INPP4B: variants seen among roughly 807,000 people sequenced by gnomAD.
INPP4B encodes inositol polyphosphate 4-phosphatase type II.
A neutral mutation model predicts 122.5 loss-of-function variants in INPP4B; 55 were observed. The ratio of observed to expected loss-of-function variants is 0.45; its 90% CI spans 0.36 to 0.56. The LOEUF is 0.56. Ranked by LOEUF, INPP4B falls within the 20% of genes least tolerant of loss-of-function variation. The probability of loss-of-function intolerance (pLI) is 0.00; values close to 1 mark genes in which losing one functional copy is unlikely to be tolerated. For synonymous variants in INPP4B, 403 were observed against 388.7 expected, an observed-to-expected ratio of 1.04 and a Z score of -0.43; for missense variants, 1,000 against 1,097.7, an observed-to-expected ratio of 0.91 and a Z score of 1.26.
chr4:142,060,109 G>T (rs1309377558), intron 25 of INPP4B, among the ~76,000 whole-genome samples: 2 of 152,028 alleles, frequency 1.3e-5, no homozygotes, highest in Non-Finnish European at 2.9e-5. Context: ...TTCAATGCAG[G>T]AATCTCACCC....
At chr4:142,733,020 A>G (rs538100241) in intron 1 of INPP4B, among the ~76,000 whole-genome samples, 5 of 152,314 alleles carry the variant, frequency 3.3e-5, no homozygotes, top group South Asian at 2.1e-4. Flanking sequence ...AAGTTATAAC[A>G]ACAAATTACA....
chr4:142,113,812 T>A (rs1325812126), intron 21 of INPP4B, among the ~76,000 whole-genome samples: 1 of 152,044 alleles, frequency 6.6e-6, no homozygotes, highest in Non-Finnish European at 1.5e-5. Flanking sequence ...TTACCAGCTT[T>A]ATTAAGAAAT....
chr4:142,648,355 C>A (rs767063508), intron 2 of INPP4B, among the ~76,000 whole-genome samples: 1 of 152,178 alleles, frequency 6.6e-6, no homozygotes, highest in African/African-American at 2.4e-5. Context: ...TGAGCCAAAG[C>A]AGGGTGGGGT....
intron 23 of INPP4B, among the ~76,000 whole-genome samples, chr4:142,093,729 C>G (rs1780594673): frequency 6.6e-6 from 1 of 151,956 alleles, no homozygotes; most frequent in Non-Finnish European, 1.5e-5. Context: ...CCACCAAAAC[C>G]AGCTTTATTT....
chr4:142,802,366 T>A (rs1561085327), intron 1 of INPP4B, among the ~76,000 whole-genome samples: 1 of 152,166 alleles, frequency 6.6e-6, no homozygotes, highest in Admixed American at 6.5e-5. Context: ...ACAATTTACC[T>A]TTTTTTCCTG....
At chr4:142,685,232 G>GAGAC (rs1307554191) in intron 2 of INPP4B, among the ~76,000 whole-genome samples, 3 of 151,960 alleles carry the variant, frequency 2.0e-5, no homozygotes, top group African/African-American at 7.2e-5. Flanking sequence ...ATACTTGCCT[G>GAGAC]AGACAGGCAA....
chr4:142,487,368 A>T (rs1389397126), intron 2 of INPP4B, among the ~76,000 whole-genome samples: 1 of 152,170 alleles, frequency 6.6e-6, no homozygotes, highest in Admixed American at 6.6e-5. Context: ...GCATTATAGT[A>T]AAATTTGAAA....
intron 10 of INPP4B, among the ~76,000 whole-genome samples, chr4:142,269,571 T>G (rs919428981): frequency 6.6e-6 from 1 of 151,912 alleles, no homozygotes; most frequent in Non-Finnish European, 1.5e-5. Context: ...GGAGGGAAAG[T>G]TTAGGGAAAT....
chr4:142,155,569 T>C (rs933116686), intron 17 of INPP4B, among the ~76,000 whole-genome samples: 8 of 152,110 alleles, frequency 5.3e-5, no homozygotes, highest in African/African-American at 1.9e-4. Context: ...TAGTGTTCCA[T>C]TATTGGAATG....
intron 1 of INPP4B, among the ~76,000 whole-genome samples, chr4:142,824,981 A>C (rs1429974453): frequency 6.6e-6 from 1 of 152,070 alleles, no homozygotes; most frequent in Non-Finnish European, 1.5e-5. Context: ...AAACTAGGAA[A>C]TATACTGGAG....
chr4:142,089,811 A>T (rs1778642160), intron 23 of INPP4B, among the ~76,000 whole-genome samples: 1 of 152,180 alleles, frequency 6.6e-6, no homozygotes, highest in Admixed American at 6.5e-5. Flanking sequence ...TTTATTTAAC[A>T]TTTCCTAGGA....
rs1314392634 is a variant in INPP4B at position 142,146,005 on chromosome 4, A to T, written c.1564-9T>A. 6.2e-7 allele frequency: 1 copy of T among 1,609,154 alleles called. No homozygotes were observed. The highest frequency in any genetic ancestry group is 8.5e-7 in the Non-Finnish European group (1 of 1,177,174). Reference sequence around the variant, plus strand: ...TTGGCCCACACCCTGTCCTGAAAAAAGCATGAGTATCACTACATATTTTTG... The same window carrying T: ...TTGGCCCACACCCTGTCCTGAAAAATGCATGAGTATCACTACATATTTTTG... On this transcript the variant is annotated splice_polypyrimidine_tract_variant and intron_variant, in intron 17 of 25. Coordinates refer to ENST00000262992, the MANE Select transcript of INPP4B (RefSeq NM_001101669.3).
At chr4:142,090,688 T>C (rs1367958386) in intron 23 of INPP4B, among the ~76,000 whole-genome samples, 1 of 147,244 alleles carries the variant, frequency 6.8e-6, no homozygotes, top group Non-Finnish European at 1.5e-5. Context: ...TCTCTATGCA[T>C]ATCTCCATAA....
intron 7 of INPP4B, among the ~76,000 whole-genome samples, chr4:142,364,507 G>A: frequency 6.6e-6 from 1 of 151,996 alleles, no homozygotes; most frequent in Non-Finnish European, 1.5e-5. Context: ...CATTTGTGCA[G>A]GGTATTTTTT....
At chr4:142,741,093 CA>C (rs1767831391) in intron 1 of INPP4B, among the ~76,000 whole-genome samples, 1 of 151,976 alleles carries the variant, frequency 6.6e-6, no homozygotes, top group South Asian at 2.1e-4. Flanking sequence ...AAAATAAAAT[CA>C]GTGTGTTAAA....
intron 2 of INPP4B, among the ~76,000 whole-genome samples, chr4:142,714,303 G>A (rs1580758441): frequency 6.6e-6 from 1 of 152,298 alleles, no homozygotes; most frequent in South Asian, 2.1e-4. Flanking sequence ...CACTGTCATT[G>A]TACCAGGCAT....
At chr4:142,297,565 G>A (rs750068725) in intron 9 of INPP4B, among the ~76,000 whole-genome samples, 15 of 152,140 alleles carry the variant, frequency 9.9e-5, no homozygotes, top group Non-Finnish European at 1.9e-4. Context: ...CGCCATGTGA[G>A]ACCACTGTTC....
intron 25 of INPP4B, chr4:142,030,378 A>G (rs1051367358): frequency 1.1e-5 from 14 of 1,241,948 alleles, no homozygotes; most frequent in Non-Finnish European, 1.3e-5. Context: ...TCAGCCTTAA[A>G]TATTCTGAAA....
chr4:142,227,365 C>T (rs1852003879), intron 12 of INPP4B, among the ~76,000 whole-genome samples: 1 of 152,024 alleles, frequency 6.6e-6, no homozygotes, highest in Admixed American at 6.6e-5. Context: ...GTAAGGAGTG[C>T]ACACTGGATT....
Sources: allele counts gnomAD v4.1 joint callset (sites outside exome capture counted in the v4.1 genomes callset), GRCh38; gene constraint gnomAD v4.1.1; transcripts MANE v1.5; gene names NCBI Gene and HGNC (gene_info 2026-07-23, HGNC 2026-07-21).